The following GALNT11 variants were observed in gnomAD, a reference collection of about 807,000 sequenced individuals.
GALNT11 encodes polypeptide N-acetylgalactosaminyltransferase 11.
GALNT11 carries 47 observed loss-of-function variants against 72.7 expected under a neutral mutation model. That is an observed-to-expected ratio of 0.65 (90% CI 0.51 to 0.82). The LOEUF (loss-of-function observed/expected upper bound fraction) is 0.82. Among genes scored for constraint, GALNT11 ranks in the 40% least tolerant of loss-of-function variants. The probability of loss-of-function intolerance (pLI) is 0.00; values close to 1 mark genes in which losing one functional copy is unlikely to be tolerated. For synonymous variants in GALNT11, 270 were observed against 286.6 expected, an observed-to-expected ratio of 0.94 and a Z score of 0.58; for missense variants, 677 against 778.4, an observed-to-expected ratio of 0.87 and a Z score of 1.55.
chr7:152,041,978 G>A (rs1025449129), intron 1 of GALNT11, among the ~76,000 whole-genome samples: 1 of 152,200 alleles, frequency 6.6e-6, no homozygotes, highest in Non-Finnish European at 1.5e-5. Context: ...TAATATTGGA[G>A]TAATATTTCT....
rs556272511 is a variant in GALNT11, at chr7:152,112,972, A to G, written c.1081-274A>G. Among the ~76,000 whole-genome samples the G allele has an allele frequency of 1.1e-4, 16 of 152,344 alleles. No homozygotes were observed. The South Asian group carries it at 3.1e-3, about 30-fold the overall frequency. ...AAGTCTCTTGATCTGTTAAAGCAAC[A>G]AAGTTGGGTAAGTGCAATTTCAGAC... is the stretch of plus-strand genomic sequence containing the variant. On this transcript the variant is annotated intron_variant, in intron 7 of 11. Transcript: ENST00000430044.
chr7:152,053,336 C>T (rs565878549), intron 1 of GALNT11, among the ~76,000 whole-genome samples: 1 of 152,302 alleles, frequency 6.6e-6, no homozygotes, highest in Admixed American at 6.5e-5. Flanking sequence ...AATCATTCTA[C>T]TTGCTTTTCT....
chr7:152,075,854 G>A (rs1231873589), intron 1 of GALNT11, among the ~76,000 whole-genome samples: 1 of 151,202 alleles, frequency 6.6e-6, no homozygotes, highest in Non-Finnish European at 1.5e-5. Flanking sequence ...GAGGTCAGGA[G>A]ATCGAGACCA....
chr7:152,045,666 C>T (rs1413949263), intron 1 of GALNT11, among the ~76,000 whole-genome samples: 1 of 151,586 alleles, frequency 6.6e-6, no homozygotes, highest in African/African-American at 2.4e-5. Flanking sequence ...TGATTTGGGG[C>T]TTCTCTTTTT....
At chr7:152,070,099 C>T (rs956498190) in intron 1 of GALNT11, among the ~76,000 whole-genome samples, 2 of 151,518 alleles carry the variant, frequency 1.3e-5, no homozygotes, top group Non-Finnish European at 2.9e-5. Context: ...CGGGTTCACA[C>T]CATTTTCCTG....
intron 1 of GALNT11, among the ~76,000 whole-genome samples, chr7:152,087,257 G>A (rs1042758252): frequency 6.6e-6 from 1 of 152,226 alleles, no homozygotes; most frequent in Non-Finnish European, 1.5e-5. Context: ...GTGGATTGAA[G>A]TTTTAAATAG....
rs76555477 is a variant in GALNT11 at position 152,081,762 on chromosome 7, C to G, written c.-38-12428C>G. 1.4e-3 allele frequency among the ~76,000 whole-genome samples: 216 copies of G among 152,220 alleles called. 4 individuals are homozygous for G. The East Asian group carries it at 0.036, about 25-fold the overall frequency. On this transcript the variant is annotated intron_variant, in intron 1 of 11. Coordinates refer to ENST00000430044, the MANE Select transcript of GALNT11 (RefSeq NM_022087.4). ...GTTTATGGGGGATGCTAGAAACCAACCCAATATTATGCTTTGTCTTTCCTC... is the reference window on the plus strand; with the variant it reads ...GTTTATGGGGGATGCTAGAAACCAAGCCAATATTATGCTTTGTCTTTCCTC...
chr7:152,070,267 A>G (rs2084557353), intron 1 of GALNT11, among the ~76,000 whole-genome samples: 1 of 151,998 alleles, frequency 6.6e-6, no homozygotes, highest in South Asian at 2.1e-4. Context: ...AAGTGCTGGG[A>G]TTACAGGTGT....
At chr7:152,027,338 A>C (rs552349548) in intron 1 of GALNT11, among the ~76,000 whole-genome samples, 1 of 152,356 alleles carries the variant, frequency 6.6e-6, no homozygotes, top group African/African-American at 2.4e-5. Flanking sequence ...AGAATGCATA[A>C]TCACATCAGG....
In GALNT11 at chr7:152,105,250, T is replaced by C. The variant is rs1372090418; in HGVS notation, c.592T>C (p.Leu198=). Residue 198 remains leucine (L), a synonymous_variant, in exon 5 of 12, where the codon TTG becomes CTG. Coordinates refer to ENST00000430044, the MANE Select transcript of GALNT11 (RefSeq NM_022087.4). ...TTGTGGGACTTTATTTTCAGATGAT[T>C]TGAAAGGAGAACTAGATGAATATGT... ...LVDDDSDFDD[L]KGELDEYVQK... The C allele has an allele frequency of 6.2e-7, 1 of 1,612,866 alleles. No homozygotes were observed. Among genetic ancestry groups the C allele is most frequent in the East Asian group, 2.2e-5 (1 of 44,880 alleles).
intron 1 of GALNT11, among the ~76,000 whole-genome samples, chr7:152,049,226 T>C (rs778150511): frequency 3.0e-4 from 46 of 152,192 alleles, no homozygotes; most frequent in Non-Finnish European, 5.9e-4. Context: ...GTATTTATCG[T>C]AGTCTTCACA....
chr7:152,080,009 A>G (rs2085224554), intron 1 of GALNT11, among the ~76,000 whole-genome samples: 1 of 152,232 alleles, frequency 6.6e-6, no homozygotes, highest in Non-Finnish European at 1.5e-5. Flanking sequence ...TTCTGGTAGA[A>G]AATGAAAGCT....
chr7:152,121,512 T>G lies in GALNT11; in HGVS notation c.1696-34T>G, dbSNP rs748171958. 2.5e-6 allele frequency: 4 copies of G among 1,596,638 alleles called. 1 individual carries two copies. In the South Asian group the frequency reaches 3.4e-5, roughly 14 times the overall value. Reference sequence around the variant, plus strand: ...TGGATTTCCATGTTTTGCCAGTAATTGGCAGTATTTTTTTGTTGCTACCTT... The same window carrying G: ...TGGATTTCCATGTTTTGCCAGTAATGGGCAGTATTTTTTTGTTGCTACCTT... On this transcript the variant is annotated intron_variant, in intron 11 of 11. Coordinates refer to ENST00000430044, the MANE Select transcript of GALNT11 (RefSeq NM_022087.4).
chr7:152,094,590 T>G lies in GALNT11; in HGVS notation c.295+68T>G. ...ATCACTGGAAGTTTGATTAATTAGT[T>G]AATTAGGAGATCAGAAATGCTGCAT... On this transcript the variant is annotated intron_variant, in intron 2 of 11. Coordinates refer to ENST00000430044, the MANE Select transcript of GALNT11 (RefSeq NM_022087.4). The surrounding 1 kb of genome is among the most constrained non-coding windows in gnomAD (Gnocchi z 4.3). The G allele has an allele frequency of 6.8e-7, 1 of 1,465,292 alleles. No homozygotes were observed. Among genetic ancestry groups the G allele is most frequent in the South Asian group, 1.4e-5 (1 of 72,964 alleles). The allele number at this position is 1,465,292 out of a possible 1,614,324, so 90.8% of individuals were successfully genotyped here.
At chr7:152,040,156 A>C (rs901638261) in intron 1 of GALNT11, among the ~76,000 whole-genome samples, 1 of 151,766 alleles carries the variant, frequency 6.6e-6, no homozygotes, top group African/African-American at 2.4e-5. Flanking sequence ...GTTTCAATAG[A>C]AGCTGGAATG....
intron 1 of GALNT11, among the ~76,000 whole-genome samples, chr7:152,058,337 TTTG>T (rs1380364757): frequency 5.3e-5 from 8 of 152,082 alleles, no homozygotes; most frequent in African/African-American, 1.9e-4. Context: ...TTCTTTTTGT[TTTG>T]TTTTGTTTTG....
At chr7:152,087,136 G>C (rs985659587) in intron 1 of GALNT11, among the ~76,000 whole-genome samples, 1 of 152,154 alleles carries the variant, frequency 6.6e-6, no homozygotes, top group Admixed American at 6.5e-5. Context: ...TTACTTCCTG[G>C]TATGGGAGAG....
chr7:152,052,289 A>T (rs564059679), intron 1 of GALNT11, among the ~76,000 whole-genome samples: 113 of 152,176 alleles, frequency 7.4e-4, no homozygotes, highest in African/African-American at 2.6e-3. Context: ...CCTTTTGGCT[A>T]TTGGGAATAC....
intron 1 of GALNT11, among the ~76,000 whole-genome samples, chr7:152,090,764 C>G (rs2085970622): frequency 6.6e-6 from 1 of 151,722 alleles, no homozygotes; most frequent in African/African-American, 2.4e-5. Flanking sequence ...TCTCCATCTT[C>G]CTGAAGCTTC....
Sources: allele counts gnomAD v4.1 joint callset (sites outside exome capture counted in the v4.1 genomes callset), GRCh38; gene constraint gnomAD v4.1.1; non-coding constraint Gnocchi (gnomAD v3.1); transcripts MANE v1.5; gene names NCBI Gene and HGNC (gene_info 2026-07-23, HGNC 2026-07-21).